Variants in CRB1 observed in about 807,000 individuals in gnomAD.
The protein encoded by CRB1 is crumbs cell polarity complex component 1, also known as protein crumbs homolog 1.
CRB1 carries 83 observed loss-of-function variants against 120.0 expected under a neutral mutation model. That is an observed-to-expected ratio of 0.69 (90% CI 0.58 to 0.83). CRB1 has a LOEUF of 0.83. Among genes scored for constraint, CRB1 ranks in the 40% least tolerant of loss-of-function variants. The probability of loss-of-function intolerance (pLI) is 0.00; values close to 1 mark genes in which losing one functional copy is unlikely to be tolerated. For missense variants in CRB1, 1,699 were observed against 1,687.6 expected, an observed-to-expected ratio of 1.01 and a Z score of -0.12; for synonymous variants, 625 against 612.5, an observed-to-expected ratio of 1.02 and a Z score of -0.30.
At chr1:197,261,732 A>G in the CRB1 span, among the ~76,000 whole-genome samples, 1 of 152,178 alleles carries the variant, frequency 6.6e-6, no homozygotes, top group African/African-American at 2.4e-5. Flanking sequence ...TAATACATTT[A>G]TAATTATGTA....
At chr1:197,218,007 G>A in the CRB1 span, among the ~76,000 whole-genome samples, 1 of 152,188 alleles carries the variant, frequency 6.6e-6, no homozygotes, top group African/African-American at 2.4e-5. Flanking sequence ...GTGTAGTGGG[G>A]TGATGTAAGA....
chr1:197,300,052 T>G (rs1226479045), intron 1 of CRB1, among the ~76,000 whole-genome samples: 1 of 152,070 alleles, frequency 6.6e-6, no homozygotes, highest in East Asian at 1.9e-4. Flanking sequence ...CCAACTTAAT[T>G]GATAAATGTT....
At chr1:197,413,135 C>A (rs1330174966) in intron 5 of CRB1, among the ~76,000 whole-genome samples, 1 of 152,132 alleles carries the variant, frequency 6.6e-6, no homozygotes, top group Non-Finnish European at 1.5e-5. Flanking sequence ...CTTATACTGC[C>A]TATGTGAAAC....
At position 197,427,984 on chromosome 1, in the gene CRB1, G is replaced by C. The variant is rs1157876574; in HGVS notation, c.2659G>C (p.Gly887Arg). The change falls in exon 7 of 12, where the codon GGA becomes CGA. Residue 887 changes from glycine (G) to arginine (R), a missense_variant. Physicochemically the swap from Gly to Arg is moderately radical, Grantham distance 125. Transcript: ENST00000367400. The part of the protein sequence containing the change: ...VLVNVTQGCA[G>R]DNSCKSNPCH... ...TGTCAATGTAACCCAAGGCTGTGCT[G>C]GAGACAACAGCTGCAAGGTAATGAT... The C allele has an allele frequency of 7.4e-6, 12 of 1,613,714 alleles. No individual in the cohort carries two copies. The highest frequency in any genetic ancestry group is 1.0e-5 in the Non-Finnish European group (12 of 1,179,868).
At chr1:197,259,636 T>C in the CRB1 span, among the ~76,000 whole-genome samples, 1 of 152,134 alleles carries the variant, frequency 6.6e-6, no homozygotes, top group Non-Finnish European at 1.5e-5. Context: ...ATGACATACG[T>C]GTACCTGTGT....
intron 5 of CRB1, among the ~76,000 whole-genome samples, chr1:197,384,490 C>T (rs1662115147): frequency 6.6e-6 from 1 of 152,094 alleles, no homozygotes. Flanking sequence ...CGTTTAAGAC[C>T]CTTGTCTTAA....
chr1:197,432,768 G>A (rs373604346), intron 8 of CRB1, among the ~76,000 whole-genome samples: 2 of 152,146 alleles, frequency 1.3e-5, no homozygotes, highest in African/African-American at 4.8e-5. Context: ...AGTGAATGCA[G>A]GGAGGCGGTT....
At chr1:197,475,442 C>A (rs951670435) in intron 11 of CRB1, among the ~76,000 whole-genome samples, 3 of 152,108 alleles carry the variant, frequency 2.0e-5, no homozygotes, top group Non-Finnish European at 4.4e-5. Flanking sequence ...CCTCAGAAAT[C>A]CCTGTCAAAC....
At chr1:197,220,404 A>G in the CRB1 span, among the ~76,000 whole-genome samples, 1 of 152,228 alleles carries the variant, frequency 6.6e-6, no homozygotes, top group Non-Finnish European at 1.5e-5. Context: ...CATTCAAGAC[A>G]GGTGAGAACA....
intron 11 of CRB1, among the ~76,000 whole-genome samples, chr1:197,464,851 A>G (rs1666685903): frequency 6.6e-6 from 1 of 152,200 alleles, no homozygotes. Context: ...TAGATCTCCA[A>G]GCTGCTTAGA....
intron 5 of CRB1, chr1:197,413,873 A>G: frequency 2.2e-6 from 1 of 455,178 alleles, no homozygotes; most frequent in Non-Finnish European, 4.4e-6. Context: ...ACTTCTGGAT[A>G]TGGTCCAAAA....
At chr1:197,213,870 G>A in the CRB1 span, among the ~76,000 whole-genome samples, 7 of 151,980 alleles carry the variant, frequency 4.6e-5, no homozygotes, top group South Asian at 4.2e-4. Context: ...GAAACTTACA[G>A]AATACAGCAA....
intron 5 of CRB1, among the ~76,000 whole-genome samples, chr1:197,398,168 A>T (rs1009193226): frequency 2.0e-5 from 3 of 152,100 alleles, no homozygotes; most frequent in African/African-American, 7.2e-5. Context: ...CATAATCAAT[A>T]ACTTCTCCTT....
chr1:197,316,910 C>CAAA (rs201313713), intron 1 of CRB1, among the ~76,000 whole-genome samples: 44 of 136,086 alleles, frequency 3.2e-4, no homozygotes, highest in African/African-American at 1.1e-3. Flanking sequence ...ACAATGGCTA[C>CAAA]AAAAAAAAAA....
At chr1:197,304,233 A>G (rs1657038778) in intron 1 of CRB1, 1 of 192,910 alleles carries the variant, frequency 5.2e-6, no homozygotes, top group Admixed American at 6.5e-5. Flanking sequence ...AATGGAATAT[A>G]ATATACTCTT....
intron 5 of CRB1, among the ~76,000 whole-genome samples, chr1:197,386,730 T>C (rs1308112109): frequency 2.0e-5 from 3 of 152,136 alleles, no homozygotes; most frequent in African/African-American, 7.2e-5. Context: ...AGAATATACA[T>C]GGGGGAAAAT....
chr1:197,437,625 C>T (rs1665226211), intron 9 of CRB1, among the ~76,000 whole-genome samples: 1 of 122,752 alleles, frequency 8.1e-6, no homozygotes, highest in South Asian at 3.4e-4. Flanking sequence ...ATTTTTGGCT[C>T]TTTTGAAAAG....
At position 197,323,674 on chromosome 1, in the gene CRB1, G is replaced by C. The variant is rs554615528; in HGVS notation, c.71-4748G>C. Among the ~76,000 whole-genome samples, 8 of 152,242 alleles carry C rather than the reference G, an allele frequency of 5.3e-5. No individual in the cohort carries two copies. In the South Asian group the frequency reaches 1.5e-3, roughly 28 times the overall value. ...TGAGTAAAAATGACCTTCACAACTT[G>C]CATCATTTAGTCATGTTCTAAGGAT... is the stretch of plus-strand genomic sequence containing the variant. On this transcript the variant is annotated intron_variant, in intron 1 of 11. Transcript: ENST00000367400.
chr1:197,428,833 C>A (rs2125487247), intron 7 of CRB1: 2 of 787,606 alleles, frequency 2.5e-6, no homozygotes, highest in Middle Eastern at 3.2e-4. Flanking sequence ...ATGTAACTAG[C>A]CTAAATCATA....
Sources: gnomAD v4.1 joint callset for allele counts (sites outside exome capture counted in the v4.1 genomes callset) on GRCh38, gnomAD v4.1.1 for gene constraint, MANE v1.5 for transcripts, NCBI Gene and HGNC (gene_info 2026-07-23, HGNC 2026-07-21) for gene names.